Variants in ARSG observed in about 807,000 individuals in gnomAD.
ARSG encodes the protein arylsulfatase G, also known as ASG.
A neutral mutation model predicts 50.5 loss-of-function variants in ARSG; 37 were observed. The observed-to-expected ratio is 0.73, with a 90% confidence interval of 0.56 to 0.96. The LOEUF is 0.96. Ranked by LOEUF, ARSG falls within the 50% of genes least tolerant of loss-of-function variation. The pLI, the probability that ARSG is intolerant of heterozygous loss-of-function variation, is 0.00. For synonymous variants in ARSG, 225 were observed against 254.6 expected (o/e 0.88, Z 1.11); for missense variants, 629 against 675.3 (o/e 0.93, Z 0.76).
chr17:68,307,177 T>G lies in ARSG; in HGVS notation c.-317T>G. 1 of 304,758 alleles carries G rather than the reference T, an allele frequency of 3.3e-6. No individual in the cohort carries two copies. The highest frequency in any genetic ancestry group is 6.1e-6 in the Non-Finnish European group (1 of 164,464). 18.9% of individuals were successfully genotyped at this position (304,758 alleles called of 1,614,324 possible). On this transcript the variant is annotated 5_prime_UTR_variant, in exon 2 of 12. Transcript: ENST00000621439. The stretch of plus-strand genomic sequence containing the variant: ...AGCAGTTGTTGACATTGATGTCTAA[T>G]TATTGAACACGACCAGTCATTTTAC...
At chr17:68,272,536 AC>A (rs1397714467) in intron 1 of ARSG, 65 of 1,332,316 alleles carry the variant, frequency 4.9e-5, no homozygotes, top group Non-Finnish European at 6.4e-5. Context: ...CATTACACAT[AC>A]ACTGAAAGTC....
At chr17:68,379,421 A>AT (rs375841879) in intron 8 of ARSG, among the ~76,000 whole-genome samples, 13,615 of 71,990 alleles carry the variant, frequency 0.19, 2,623 homozygotes, top group East Asian at 0.29. Context: ...GAACACTACA[A>AT]TTTTTTTTTT....
chr17:68,313,676 T>G (rs1191509914), intron 2 of ARSG, among the ~76,000 whole-genome samples: 6 of 49,034 alleles, frequency 1.2e-4, no homozygotes, highest in Non-Finnish European at 2.5e-4. Flanking sequence ...CGTATCTCTC[T>G]CTCTCTCTTT....
At chr17:68,427,020 G>A, downstream of ARSG, 1 of 836,144 alleles carries the variant, frequency 1.2e-6, no homozygotes, top group Non-Finnish European at 1.9e-6. Flanking sequence ...GGAAGGGGAG[G>A]GAGGGCACTC....
chr17:68,390,366 A>G (rs2080937282), intron 9 of ARSG, among the ~76,000 whole-genome samples: 1 of 152,124 alleles, frequency 6.6e-6, no homozygotes. Context: ...GCCTGGGGTG[A>G]CCAGAGCCAC....
At chr17:68,326,413 T>C (rs1250383200) in intron 2 of ARSG, among the ~76,000 whole-genome samples, 2 of 152,200 alleles carry the variant, frequency 1.3e-5, no homozygotes, top group African/African-American at 4.8e-5. Context: ...ACACCTGTAA[T>C]TCCAGCACTT....
At chr17:68,442,701 C>T in the ARSG span, among the ~76,000 whole-genome samples, 1 of 152,314 alleles carries the variant, frequency 6.6e-6, no homozygotes, top group Non-Finnish European at 1.5e-5. Context: ...CAGCCTCAAG[C>T]TCTATGCAGA....
the ARSG span, among the ~76,000 whole-genome samples, chr17:68,437,610 G>C: frequency 6.6e-6 from 1 of 151,854 alleles, no homozygotes; most frequent in African/African-American, 2.4e-5. Flanking sequence ...CCTTGATAAG[G>C]GAAATGGGTA....
At chr17:68,259,565 G>C (rs1225777645) in intron 1 of ARSG, 1 of 152,224 alleles carries the variant, frequency 6.6e-6, no homozygotes, top group Non-Finnish European at 1.5e-5. Flanking sequence ...ATGTAAGCTT[G>C]ATGTTTCTAG....
chr17:68,427,823 G>A, the ARSG span, among the ~76,000 whole-genome samples: 1 of 152,180 alleles, frequency 6.6e-6, no homozygotes, highest in East Asian at 1.9e-4. Context: ...TGGCAGCTCT[G>A]GTGCCCTGGC....
intron 11 of ARSG, among the ~76,000 whole-genome samples, chr17:68,416,004 C>A (rs1456749538): frequency 6.6e-6 from 1 of 152,134 alleles, no homozygotes; most frequent in African/African-American, 2.4e-5. Flanking sequence ...GCATTTAGAC[C>A]ATTTACATTC....
chr17:68,402,586 G>A (rs12945490), intron 11 of ARSG, among the ~76,000 whole-genome samples: 32,729 of 151,546 alleles, frequency 0.22, 3,718 homozygotes, highest in Middle Eastern at 0.28. Context: ...GTGCAGTGGC[G>A]TGATCTTGGC....
At chr17:68,414,691 A>G (rs2082259739) in intron 11 of ARSG, among the ~76,000 whole-genome samples, 1 of 152,120 alleles carries the variant, frequency 6.6e-6, no homozygotes, top group Non-Finnish European at 1.5e-5. Flanking sequence ...TAATTTAAAA[A>G]TTACCATTTT....
At chr17:68,444,171 G>A in the ARSG span, among the ~76,000 whole-genome samples, 4 of 152,254 alleles carry the variant, frequency 2.6e-5, no homozygotes, top group South Asian at 8.3e-4. Context: ...AAACAATTAG[G>A]GGTAAACACT....
At chr17:68,394,630 C>G (rs72841861) in intron 9 of ARSG, among the ~76,000 whole-genome samples, 5,983 of 152,122 alleles carry the variant, frequency 0.039, 325 homozygotes, top group East Asian at 0.22. Context: ...AAGACTCTGT[C>G]TCTAAAAAAA....
At chr17:68,317,631 C>T (rs1378970733) in intron 2 of ARSG, among the ~76,000 whole-genome samples, 2 of 152,136 alleles carry the variant, frequency 1.3e-5, no homozygotes, top group African/African-American at 2.4e-5. Context: ...AGCAGCCAAC[C>T]TATTTTGCCG....
chr17:68,266,399 A>AT (rs1242338713), intron 1 of ARSG, among the ~76,000 whole-genome samples: 1 of 83,576 alleles, frequency 1.2e-5, no homozygotes, highest in Non-Finnish European at 2.2e-5. Flanking sequence ...GTATATATAT[A>AT]CTTTTTTGTA....
chr17:68,434,571 C>T, the ARSG span: 16 of 1,613,834 alleles, frequency 9.9e-6, no homozygotes, highest in East Asian at 2.2e-5. Context: ...CATCCCTCTC[C>T]GGAACTCATA....
intron 1 of ARSG, among the ~76,000 whole-genome samples, chr17:68,266,437 C>CT (rs67615224): frequency 2.1e-5 from 2 of 95,198 alleles, no homozygotes; most frequent in Non-Finnish European, 4.1e-5. Context: ...TATATATATA[C>CT]TTTTTTTTGT....
Sources: allele counts gnomAD v4.1 joint callset (sites outside exome capture counted in the v4.1 genomes callset), GRCh38; gene constraint gnomAD v4.1.1; transcripts MANE v1.5; gene names NCBI Gene and HGNC (gene_info 2026-07-23, HGNC 2026-07-21).